The following MTCL1 variants were observed in gnomAD, a reference collection of about 807,000 sequenced individuals.
MTCL1 encodes the protein microtubule cross-linking factor 1.
MTCL1 carries 79 observed loss-of-function variants against 141.4 expected under a neutral mutation model. That is an observed-to-expected ratio of 0.56 (90% confidence interval 0.47 to 0.67). MTCL1 has a LOEUF of 0.67. MTCL1 is among the 30% of genes least tolerant of loss of function. The pLI, the probability that MTCL1 is intolerant of heterozygous loss-of-function variation, is 0.00. For synonymous variants in MTCL1, 914 were observed against 875.8 expected (o/e 1.04, Z -0.77); for missense variants, 2,177 against 2,113.9 (o/e 1.03, Z -0.59).
chr18:8,819,325 A>ATTCCT lies in MTCL1; in HGVS notation c.3156+66_3156+67insTTCCT. 1.9e-6 allele frequency: 3 copies of ATTCCT among 1,545,464 alleles called. No homozygotes were observed. The Admixed American group carries it at 5.4e-5, about 28-fold the overall frequency. ...TGAGGGAGCCGTCATGAAACCTAAG[A>ATTCCT]GGCATCTGCCAGATTCCTCTCCTGG... On this transcript the variant is annotated intron_variant, in intron 13 of 16. Coordinates refer to ENST00000359865, the Ensembl canonical transcript of MTCL1.
intron 10 of MTCL1, among the ~76,000 whole-genome samples, chr18:8,798,556 G>A (rs1477427928): frequency 1.3e-5 from 2 of 152,142 alleles, no homozygotes; most frequent in African/African-American, 4.8e-5. Flanking sequence ...TCAATGCTGC[G>A]TGTCGCTGCT....
At chr18:8,770,526 G>T (rs114016939) in intron 4 of MTCL1, among the ~76,000 whole-genome samples, 1 of 152,184 alleles carries the variant, frequency 6.6e-6, no homozygotes, top group Non-Finnish European at 1.5e-5. Context: ...TTACAAGGAC[G>T]CTAATCCCAT....
chr18:8,829,082 A>C, intron 16 of MTCL1: 1 of 1,558,462 alleles, frequency 6.4e-7, no homozygotes, highest in Non-Finnish European at 8.7e-7. Flanking sequence ...ACCCTCGCTC[A>C]CCCCAAGTTC....
At chr18:8,708,890 G>C (rs916508324) in intron 1 of MTCL1, among the ~76,000 whole-genome samples, 1 of 149,638 alleles carries the variant, frequency 6.7e-6, no homozygotes, top group Non-Finnish European at 1.5e-5. Context: ...TCCGACAGCA[G>C]GGGAGAGAAG....
At chr18:8,757,414 C>G (rs943903105) in intron 4 of MTCL1, among the ~76,000 whole-genome samples, 22 of 152,246 alleles carry the variant, frequency 1.4e-4, no homozygotes, top group African/African-American at 4.8e-4. Context: ...AAGGAGACCC[C>G]CCAGACTTTG....
intron 3 of MTCL1, among the ~76,000 whole-genome samples, chr18:8,719,463 G>T (rs575806529): frequency 2.0e-5 from 3 of 152,186 alleles, no homozygotes; most frequent in Non-Finnish European, 2.9e-5. Flanking sequence ...GAAAGTAAAC[G>T]TGTTTAACTG....
chr18:8,779,905 G>A lies in MTCL1; in HGVS notation c.417+2013G>A, dbSNP rs1245060649. 6.6e-6 allele frequency among the ~76,000 whole-genome samples: 1 copy of A among 152,152 alleles called. No individual in the cohort carries two copies. The highest frequency in any genetic ancestry group is 1.9e-4 in the East Asian group (1 of 5,200). On this transcript the variant is annotated intron_variant, in intron 5 of 16. Coordinates refer to ENST00000359865, the Ensembl canonical transcript of MTCL1. This position sits in a 1 kb window ranked among gnomAD's most constrained non-coding sequence, Gnocchi z 4.1. The stretch of plus-strand genomic sequence containing the variant: ...GATCTTGCTGCTTTAACTGACCTGG[G>A]TTTAGGTTCATGGAGACGGAGGAGA...
At chr18:8,827,626 G>T (rs117576302) in intron 15 of MTCL1, among the ~76,000 whole-genome samples, 1 of 152,172 alleles carries the variant, frequency 6.6e-6, no homozygotes. Context: ...TCCTCCTGCC[G>T]TGGAACGGTC....
At chr18:8,764,003 C>T (rs549838690) in intron 4 of MTCL1, among the ~76,000 whole-genome samples, 47 of 152,068 alleles carry the variant, frequency 3.1e-4, no homozygotes, top group Non-Finnish European at 6.3e-4. Context: ...AAATTCTGTT[C>T]TATATATAGA....
At chr18:8,798,105 T>A (rs1226411359) in exon 10 of MTCL1, 1 of 1,588,316 alleles carries the variant, frequency 6.3e-7, no homozygotes, top group Non-Finnish European at 8.5e-7. Flanking sequence ...AGGGTGAACA[T>A]CCAGAGACCC....
intron 3 of MTCL1, among the ~76,000 whole-genome samples, chr18:8,719,297 A>C (rs945267346): frequency 4.6e-5 from 7 of 152,232 alleles, no homozygotes; most frequent in Non-Finnish European, 2.9e-5. Flanking sequence ...TTATTGCCGG[A>C]GTACTTGTGA....
chr18:8,829,003 G>A, intron 16 of MTCL1: 1 of 1,613,964 alleles, frequency 6.2e-7, no homozygotes, highest in Non-Finnish European at 8.5e-7. Context: ...TGTCTGGAGA[G>A]GTCGTGTTGT....
upstream of MTCL1, chr18:8,705,565 A>T (rs2096055958): frequency 2.2e-6 from 2 of 922,484 alleles, no homozygotes; most frequent in Non-Finnish European, 2.7e-6. The surrounding 1 kb of genome is among the most constrained non-coding windows in gnomAD (Gnocchi z 5.2). Flanking sequence ...CAGTGATGAG[A>T]GAGCGCGCGG....
chr18:8,711,975 T>C (rs2096095598), intron 1 of MTCL1, among the ~76,000 whole-genome samples: 1 of 152,194 alleles, frequency 6.6e-6, no homozygotes, highest in Non-Finnish European at 1.5e-5. Flanking sequence ...GTTGTCAACA[T>C]ATTAATTATG....
chr18:8,727,581 A>G (rs2096224195), intron 4 of MTCL1, among the ~76,000 whole-genome samples: 2 of 152,180 alleles, frequency 1.3e-5, no homozygotes, highest in Non-Finnish European at 2.9e-5. Context: ...TTGACCAGGT[A>G]CATGTCTTCA....
chr18:8,782,685 C>T (rs1280298426), intron 5 of MTCL1: 1 of 152,194 alleles, frequency 6.6e-6, no homozygotes, highest in Non-Finnish European at 1.5e-5. Flanking sequence ...GTTTAATTTC[C>T]TGCTGTGTTA....
chr18:8,751,315 G>A (rs188525093), intron 4 of MTCL1, among the ~76,000 whole-genome samples: 108 of 152,246 alleles, frequency 7.1e-4, no homozygotes, highest in African/African-American at 2.6e-3. Flanking sequence ...TCAGTTGTCT[G>A]TTTTAAGTTT....
At position 8,789,816 on chromosome 18, in the gene MTCL1, G is replaced by A. The variant is rs1188648569; in HGVS notation, c.1888-3182G>A. On this transcript the variant is annotated intron_variant, in intron 7 of 16. Transcript: ENST00000359865. ...TTATTTTTTTAGAAGACATTTATGT[G>A]TCATGTGAAACTTTTCTCCAAATGT... 4.8e-6 allele frequency: 3 copies of A among 620,350 alleles called. No homozygotes were observed. The African/African-American group carries it at 6.0e-5, about 12-fold the overall frequency. 38.4% of individuals were successfully genotyped at this position (620,350 alleles called of 1,614,324 possible). A position where few individuals can be genotyped will look rare whatever the true frequency, so the allele number is the denominator to read the frequency against.
intron 11 of MTCL1, chr18:8,809,891 G>A: frequency 1.1e-5 from 4 of 353,104 alleles, no homozygotes; most frequent in Non-Finnish European, 2.1e-5. Context: ...GAGGTGGGAG[G>A]CAGGGCCATG....
Sources: allele counts gnomAD v4.1 joint callset (sites outside exome capture counted in the v4.1 genomes callset), GRCh38; gene constraint gnomAD v4.1.1; non-coding constraint Gnocchi (gnomAD v3.1); transcripts MANE v1.5; gene names NCBI Gene and HGNC (gene_info 2026-07-23, HGNC 2026-07-21).